The following TRPC1 variants were observed in gnomAD, a reference collection of about 807,000 sequenced individuals.
TRPC1 encodes short transient receptor potential channel 1.
In TRPC1, 42 loss-of-function variants were observed where a neutral mutation model predicts 88.2. The ratio of observed to expected loss-of-function variants is 0.48; its 90% CI spans 0.37 to 0.62. The LOEUF (loss-of-function observed/expected upper bound fraction) is 0.62. Among genes scored for constraint, TRPC1 ranks in the 20% least tolerant of loss-of-function variants. The pLI is 0.00. For missense variants in TRPC1, 699 were observed against 957.3 expected (o/e 0.73, Z 3.56); for synonymous variants, 288 against 331.8 (o/e 0.87, Z 1.43).
chr3:142,807,514 A>C lies in TRPC1; in HGVS notation c.*1279A>C, dbSNP rs914159401. On this transcript the variant is annotated 3_prime_UTR_variant, in exon 13 of 13. Transcript: ENST00000476941. ...CGAATGTCAGATGGTCTTACGCCAC[A>C]GGGTGCAGGTAACCCTTGGTCTGTA... 2.0e-5 allele frequency: 3 copies of C among 152,240 alleles called. No homozygotes were observed. Among genetic ancestry groups the C allele is most frequent in the Non-Finnish European group, 2.9e-5 (2 of 68,036 alleles). The allele number at this position is 152,240 out of a possible 1,614,324, so 9.4% of individuals were successfully genotyped here. A position where few individuals can be genotyped will look rare whatever the true frequency, so the allele number is the denominator to read the frequency against.
In TRPC1 at chr3:142,807,824, C is replaced by CATT. The variant is rs1936839708; in HGVS notation, c.*1590_*1592dup. The CATT allele has an allele frequency of 6.6e-6, 1 of 151,660 alleles. No individual in the cohort carries two copies. The highest frequency in any genetic ancestry group is 2.4e-5 in the African/African-American group (1 of 41,226). 9.4% of individuals were successfully genotyped at this position (151,660 alleles called of 1,614,324 possible). A position where few individuals can be genotyped will look rare whatever the true frequency, so the allele number is the denominator to read the frequency against. Reference sequence around the variant, plus strand: ...CATGAGTTGAGTTGCTTCTGAGGTACATTTTGAATGACAGCATATTGTAAG... The same window carrying CATT: ...CATGAGTTGAGTTGCTTCTGAGGTACATTATTTTGAATGACAGCATATTGTAAG... On this transcript the variant is annotated 3_prime_UTR_variant, in exon 13 of 13. Coordinates refer to ENST00000476941, the MANE Select transcript of TRPC1 (RefSeq NM_001251845.2).
In TRPC1 at chr3:142,776,425, A is replaced by G. The variant is rs1048172599; in HGVS notation, c.633-1207A>G. On this transcript the variant is annotated intron_variant, in intron 4 of 12. Transcript: ENST00000476941. The surrounding 1 kb of genome is among the most constrained non-coding windows in gnomAD (Gnocchi z 4.1). ...TATATTAATAAATGAACTATAGCAA[A>G]TTTTTCTGGTTTGTTTTCTATTTAG... Among the ~76,000 whole-genome samples the G allele has an allele frequency of 6.6e-6, 1 of 151,984 alleles. No individual in the cohort carries two copies. Among genetic ancestry groups the G allele is most frequent in the African/African-American group, 2.4e-5 (1 of 41,406 alleles).
chr3:142,730,813 T>C (rs1368986336), intron 1 of TRPC1, among the ~76,000 whole-genome samples: 1 of 152,180 alleles, frequency 6.6e-6, no homozygotes, highest in Admixed American at 6.6e-5. Flanking sequence ...AGTTAGAATG[T>C]TGCAATTGCC....
At chr3:142,758,774 C>G (rs1935074729) in intron 4 of TRPC1, among the ~76,000 whole-genome samples, 1 of 151,642 alleles carries the variant, frequency 6.6e-6, no homozygotes, top group Non-Finnish European at 1.5e-5. Context: ...GTGTGCTGCA[C>G]CGGTTAACTT....
chr3:142,800,594 G>T (rs762965872), intron 9 of TRPC1, among the ~76,000 whole-genome samples: 2 of 152,024 alleles, frequency 1.3e-5, no homozygotes, highest in Non-Finnish European at 2.9e-5. Context: ...TTGAGGAAGG[G>T]TTGTTTCAAA....
intron 1 of TRPC1, among the ~76,000 whole-genome samples, chr3:142,727,006 G>C (rs1328727082): frequency 6.6e-6 from 1 of 152,190 alleles, no homozygotes; most frequent in Non-Finnish European, 1.5e-5. Flanking sequence ...GATAATAGTA[G>C]AACTGGCATT....
intron 1 of TRPC1, among the ~76,000 whole-genome samples, chr3:142,734,111 T>C (rs1934034541): frequency 6.6e-6 from 1 of 152,204 alleles, no homozygotes; most frequent in Non-Finnish European, 1.5e-5. Flanking sequence ...TTTGTGTTAT[T>C]GTGGGCTCTG....
chr3:142,796,955 T>A lies in TRPC1; in HGVS notation c.1581+3988T>A, dbSNP rs1936471367. ...ATCCAAAGAGAAACCTAAGGTTTAT[T>A]ATGATTGTCATATTTGATAGGACCC... On this transcript the variant is annotated intron_variant, in intron 9 of 12. Coordinates refer to ENST00000476941, the MANE Select transcript of TRPC1 (RefSeq NM_001251845.2). 2.0e-5 allele frequency among the ~76,000 whole-genome samples: 3 copies of A among 152,266 alleles called. No individual in the cohort carries two copies. In the South Asian group the frequency reaches 6.2e-4, roughly 32 times the overall value.
In TRPC1 at chr3:142,792,497, C is replaced by T. The variant is rs533106608; in HGVS notation, c.1438-327C>T. 6.6e-6 allele frequency among the ~76,000 whole-genome samples: 1 copy of T among 151,796 alleles called. No homozygotes were observed. The highest frequency in any genetic ancestry group is 1.9e-4 in the East Asian group (1 of 5,182). ...ATTAATTGACAGCACATGTACTTAA[C>T]GTTTGTGTTGTGGAATTTAAGAAAA... On this transcript the variant is annotated intron_variant, in intron 8 of 12. Transcript: ENST00000476941. The surrounding 1 kb of genome is among the most constrained non-coding windows in gnomAD (Gnocchi z 4.0).
chr3:142,780,137 C>T (rs185708908), intron 5 of TRPC1, among the ~76,000 whole-genome samples: 10 of 152,150 alleles, frequency 6.6e-5, no homozygotes, highest in East Asian at 3.9e-4. Context: ...CCTGAGCCAC[C>T]GCACCCAGCC....
intron 4 of TRPC1, among the ~76,000 whole-genome samples, chr3:142,757,234 TA>T (rs1935004192): frequency 5.3e-5 from 8 of 151,952 alleles, no homozygotes; most frequent in Admixed American, 5.2e-4. Flanking sequence ...CTTTTGGATA[TA>T]TATATATATG....
chr3:142,758,039 G>A lies in TRPC1; in HGVS notation c.632+9579G>A, dbSNP rs373458257. 1.5e-3 allele frequency among the ~76,000 whole-genome samples: 223 copies of A among 152,122 alleles called. 2 individuals carry two copies. The highest frequency in any genetic ancestry group is 5.1e-3 in the African/African-American group (210 of 41,522). On this transcript the variant is annotated intron_variant, in intron 4 of 12. Coordinates refer to ENST00000476941, the MANE Select transcript of TRPC1 (RefSeq NM_001251845.2). ...TTATGGACTATAGTCACCTTATTGTGCTATCAAACACTAGGTCTTATTCTT... is the reference window on the plus strand; with the variant it reads ...TTATGGACTATAGTCACCTTATTGTACTATCAAACACTAGGTCTTATTCTT...
At position 142,784,764 on chromosome 3, in the gene TRPC1, G is replaced by C. The variant is rs1936079028; in HGVS notation, c.1021G>C (p.Gly341Arg). 2 of 1,614,000 alleles carry C rather than the reference G, an allele frequency of 1.2e-6. No individual in the cohort carries two copies. Among genetic ancestry groups the C allele is most frequent in the African/African-American group, 2.7e-5 (2 of 74,916 alleles). The change falls in exon 7 of 13, where the codon GGT (glycine) becomes CGT (arginine). Residue 341 changes from glycine to arginine, a missense_variant. By Grantham distance (125) the Gly-to-Arg change is moderately radical. Coordinates refer to ENST00000476941, the MANE Select transcript of TRPC1 (RefSeq NM_001251845.2). ...LNTVWFGQMS[G>R]YRRKPTCKKI... ...CACTGTTTGGTTTGGACAGATGTCG[G>C]GTTACCGACGCAAGCCCACCTGTAA... is the stretch of plus-strand genomic sequence containing the variant.
chr3:142,764,580 A>G (rs1056135577), intron 4 of TRPC1, among the ~76,000 whole-genome samples: 2 of 152,110 alleles, frequency 1.3e-5, no homozygotes, highest in African/African-American at 2.4e-5. Flanking sequence ...GCACTTTGAA[A>G]ATGCCATTCC....
At chr3:142,740,782 A>G (rs1274369413) in intron 2 of TRPC1, among the ~76,000 whole-genome samples, 1 of 152,242 alleles carries the variant, frequency 6.6e-6, no homozygotes, top group African/African-American at 2.4e-5. Context: ...GTTTGACACA[A>G]TGAAAGGAAG....
At chr3:142,729,767 C>T (rs1388624936) in intron 1 of TRPC1, among the ~76,000 whole-genome samples, 1 of 152,054 alleles carries the variant, frequency 6.6e-6, no homozygotes, top group South Asian at 2.1e-4. Context: ...GATTTAAGAT[C>T]AATAGTTGAA....
At chr3:142,733,784 C>T (rs781178026) in intron 1 of TRPC1, among the ~76,000 whole-genome samples, 2 of 152,076 alleles carry the variant, frequency 1.3e-5, no homozygotes, top group Non-Finnish European at 2.9e-5. Context: ...GTTAAATGAA[C>T]AGCTGAGCTT....
At position 142,806,176 on chromosome 3, in the gene TRPC1, A is replaced by G; in HGVS notation, c.2323A>G (p.Ile775Val). ...RQDLSKFRNE[I>V]RDLLGFRTSK... is the part of the protein sequence containing the mutation. ...AGATCTGTCAAAATTCCGAAATGAA[A>G]TAAGGGATTTACTTGGCTTTCGGAC... Residue 775 changes from isoleucine to valine, a missense_variant, in exon 13 of 13, where the codon ATA becomes GTA. Physicochemically the swap from Ile to Val is conservative, Grantham distance 29. This residue lies in a region of TRPC1 where 105 missense variants were observed against 141.7 expected (regional missense o/e 0.74). Coordinates refer to ENST00000476941, the MANE Select transcript of TRPC1 (RefSeq NM_001251845.2). 6.2e-7 allele frequency: 1 copy of G among 1,613,754 alleles called. No homozygotes were observed. Among genetic ancestry groups the G allele is most frequent in the African/African-American group, 1.3e-5 (1 of 75,056 alleles).
intron 2 of TRPC1, among the ~76,000 whole-genome samples, chr3:142,743,229 T>C (rs75268420): frequency 0.012 from 1,837 of 152,168 alleles, 48 homozygotes; most frequent in East Asian, 0.089. Context: ...ACTCTAATAA[T>C]CCCTTCAATG....
Sources: allele counts gnomAD v4.1 joint callset (sites outside exome capture counted in the v4.1 genomes callset), GRCh38; gene constraint gnomAD v4.1.1; regional missense constraint gnomAD v4.1.1; non-coding constraint Gnocchi (gnomAD v3.1); transcripts MANE v1.5; gene names NCBI Gene and HGNC (gene_info 2026-07-23, HGNC 2026-07-21).